SUGCT: variants seen among roughly 807,000 people sequenced by gnomAD.
SUGCT encodes the protein succinyl-CoA:glutarate CoA-transferase.
SUGCT carries 41 observed loss-of-function variants against 55.0 expected under a neutral mutation model. The ratio of observed to expected loss-of-function variants is 0.74; its 90% CI spans 0.58 to 0.97. The LOEUF is 0.97. Among genes scored for constraint, SUGCT ranks in the 50% least tolerant of loss-of-function variants. SUGCT has a pLI of 0.00. For synonymous variants in SUGCT, 187 were observed against 200.4 expected (o/e 0.93, Z 0.56); for missense variants, 568 against 547.8 (o/e 1.04, Z -0.37).
At chr7:40,521,718 A>G (rs1208353190) in intron 12 of SUGCT, among the ~76,000 whole-genome samples, 5 of 152,106 alleles carry the variant, frequency 3.3e-5, no homozygotes, top group African/African-American at 9.7e-5. Flanking sequence ...GAAAATTCAA[A>G]TGAGACAGTG....
At chr7:40,818,880 G>T (rs62449405) in intron 13 of SUGCT, among the ~76,000 whole-genome samples, 24,727 of 148,302 alleles carry the variant, frequency 0.17, 2,459 homozygotes, top group East Asian at 0.39. Flanking sequence ...TTTACATTAG[G>T]TATATCTCCT....
At chr7:40,865,518 G>A (rs757834581), downstream of SUGCT, among the ~76,000 whole-genome samples, 12 of 152,164 alleles carry the variant, frequency 7.9e-5, no homozygotes, top group Non-Finnish European at 1.6e-4. Context: ...AGTTCTAAGG[G>A]GGAAAACCTA....
chr7:40,484,561 A>G (rs879733259), intron 11 of SUGCT, among the ~76,000 whole-genome samples: 8 of 152,166 alleles, frequency 5.3e-5, no homozygotes, highest in Non-Finnish European at 7.3e-5. Flanking sequence ...ATGAACCTAG[A>G]GAAATACCAA....
At chr7:41,027,460 G>A in the SUGCT span, among the ~76,000 whole-genome samples, 1 of 152,204 alleles carries the variant, frequency 6.6e-6, no homozygotes, top group African/African-American at 2.4e-5. Context: ...AGCTTACATT[G>A]TATTGGTAGG....
intron 12 of SUGCT, among the ~76,000 whole-genome samples, chr7:40,603,885 C>G (rs1347970985): frequency 2.0e-5 from 3 of 152,136 alleles, no homozygotes; most frequent in African/African-American, 7.2e-5. Flanking sequence ...ATGTCATTCC[C>G]CTGTTTAAAA....
intron 12 of SUGCT, among the ~76,000 whole-genome samples, chr7:40,668,650 G>A (rs1006277867): frequency 2.6e-5 from 4 of 152,276 alleles, no homozygotes; most frequent in Admixed American, 2.6e-4. Flanking sequence ...CAAGACCCAA[G>A]AAGCAATAGG....
intron 12 of SUGCT, among the ~76,000 whole-genome samples, chr7:40,697,682 T>C (rs760774151): frequency 6.6e-6 from 1 of 152,086 alleles, no homozygotes; most frequent in African/African-American, 2.4e-5. Flanking sequence ...AAGATGAGAA[T>C]TGTGTGATTC....
intron 9 of SUGCT, among the ~76,000 whole-genome samples, chr7:40,416,666 A>C (rs1787019382): frequency 1.3e-5 from 2 of 151,964 alleles, no homozygotes; most frequent in Non-Finnish European, 1.5e-5. Context: ...ATATTGATTT[A>C]ATTTGATAGT....
At chr7:40,955,925 T>A in the SUGCT span, among the ~76,000 whole-genome samples, 1 of 152,184 alleles carries the variant, frequency 6.6e-6, no homozygotes, top group African/African-American at 2.4e-5. Context: ...ATGTGATGGA[T>A]TATGTTTATT....
At chr7:40,154,331 A>G (rs1367804500) in intron 1 of SUGCT, among the ~76,000 whole-genome samples, 1 of 152,094 alleles carries the variant, frequency 6.6e-6, no homozygotes, top group African/African-American at 2.4e-5. Flanking sequence ...AATGTAATGT[A>G]ATGGGATTGA....
chr7:40,370,129 CA>C (rs552558181), intron 9 of SUGCT, among the ~76,000 whole-genome samples: 138 of 152,256 alleles, frequency 9.1e-4, no homozygotes, highest in African/African-American at 3.2e-3. Context: ...GATCTACTGC[CA>C]GGGTCAGTTC....
rs185263099 is a variant in SUGCT, at chr7:40,444,164, C to T, written c.817-5123C>T. On this transcript the variant is annotated intron_variant, in intron 9 of 13. Transcript: ENST00000335693. ...TTTGAAGTCAGGTAGCGTGATGCCT[C>T]CAGCTTTGTTCTTTTGGCTTAGGAT... Among the ~76,000 whole-genome samples the T allele has an allele frequency of 4.9e-3, 747 of 152,224 alleles. 2 individuals carry two copies. Among genetic ancestry groups the T allele is most frequent in the African/African-American group, 0.017 (713 of 41,528 alleles).
intron 9 of SUGCT, among the ~76,000 whole-genome samples, chr7:40,368,108 A>G (rs1466629253): frequency 6.6e-6 from 1 of 152,202 alleles, no homozygotes; most frequent in African/African-American, 2.4e-5. Flanking sequence ...CATCTCCGAA[A>G]GTCTTCCTTG....
intron 13 of SUGCT, among the ~76,000 whole-genome samples, chr7:40,852,792 A>T (rs1001592446): frequency 2.0e-5 from 3 of 151,916 alleles, no homozygotes; most frequent in Non-Finnish European, 4.4e-5. Flanking sequence ...CCCCACTGTG[A>T]TTGCAATATT....
chr7:40,459,620 G>T (rs976196459), intron 11 of SUGCT, among the ~76,000 whole-genome samples: 20 of 152,094 alleles, frequency 1.3e-4, no homozygotes, highest in African/African-American at 4.6e-4. Context: ...GGTAAGTTCT[G>T]TTATTTCCAT....
At chr7:40,736,171 A>C (rs1232797536) in intron 12 of SUGCT, among the ~76,000 whole-genome samples, 2 of 148,224 alleles carry the variant, frequency 1.3e-5, no homozygotes, top group African/African-American at 4.9e-5. Context: ...ATTTGCATTA[A>C]TTTTATATAT....
chr7:40,203,730 G>T (rs746041379), intron 6 of SUGCT, among the ~76,000 whole-genome samples: 8 of 150,776 alleles, frequency 5.3e-5, no homozygotes, highest in Non-Finnish European at 1.2e-4. Flanking sequence ...AGCTGAGATC[G>T]CACCATTGCA....
intron 12 of SUGCT, among the ~76,000 whole-genome samples, chr7:40,747,221 A>C (rs1265395380): frequency 6.6e-6 from 1 of 152,194 alleles, no homozygotes; most frequent in Non-Finnish European, 1.5e-5. Context: ...GGAGGTTGAC[A>C]TCGTTGTTTA....
At chr7:40,937,799 A>T in the SUGCT span, among the ~76,000 whole-genome samples, 3 of 152,126 alleles carry the variant, frequency 2.0e-5, no homozygotes, top group Admixed American at 6.6e-5. Context: ...TTGAATCTAA[A>T]TTGTGTTTTA....
Sources: gnomAD v4.1 joint callset for allele counts (sites outside exome capture counted in the v4.1 genomes callset) on GRCh38, gnomAD v4.1.1 for gene constraint, MANE v1.5 for transcripts, NCBI Gene and HGNC (gene_info 2026-07-23, HGNC 2026-07-21) for gene names.